Variants in DHX57 observed in about 807,000 individuals in gnomAD.
The protein encoded by DHX57 is DExH-box helicase 57, also known as putative ATP-dependent RNA helicase DHX57.
DHX57 carries 105 observed loss-of-function variants against 156.2 expected under a neutral mutation model. The ratio of observed to expected loss-of-function variants is 0.67; its 90% CI spans 0.57 to 0.79. DHX57 has a LOEUF of 0.79. Ranked by LOEUF, DHX57 falls within the 30% of genes least tolerant of loss-of-function variation. The pLI is 0.00. For missense variants in DHX57, 1,847 were observed against 1,661.9 expected (o/e 1.11, Z -1.94); for synonymous variants, 704 against 595.6 (o/e 1.18, Z -2.65).
chr2:38,810,595 A>G, intron 21 of DHX57: 1 of 606,656 alleles, frequency 1.6e-6, no homozygotes, highest in Non-Finnish European at 3.1e-6. Flanking sequence ...CTCCTGGCAG[A>G]GGATGTACAC....
Position 38,823,188 on chromosome 2 carries a change from A to T in DHX57, c.3096T>A (p.Ser1032=). ...GTAATCGTATTTTTGAGGCACGAAGAGAATCGGTGTGTGGAGGTTCAATGA... is the reference window on the plus strand; with the variant it reads ...GTAATCGTATTTTTGAGGCACGAAGTGAATCGGTGTGTGGAGGTTCAATGA... ...SRLIEPPHTD[S]LRASKIRLRD... The change falls in exon 17 of 24, where the codon TCT becomes TCA. Residue 1032 remains serine (S), a synonymous_variant. Transcript: ENST00000457308. The T allele has an allele frequency of 6.2e-7, 1 of 1,614,206 alleles. No individual in the cohort carries two copies.
chr2:38,835,113 T>A (rs1171652416), intron 13 of DHX57, among the ~76,000 whole-genome samples: 1 of 152,208 alleles, frequency 6.6e-6, no homozygotes, highest in Non-Finnish European at 1.5e-5. Flanking sequence ...AGGCAGCAGA[T>A]AATGAGTTCC....
intron 1 of DHX57, among the ~76,000 whole-genome samples, chr2:38,874,426 T>C: frequency 2.3e-5 from 1 of 43,806 alleles, no homozygotes; most frequent in Non-Finnish European, 5.5e-5. Context: ...TTTTTTTTTT[T>C]TGAGACAGAG....
chr2:38,803,807 A>G (rs1669811739), intron 22 of DHX57, among the ~76,000 whole-genome samples: 1 of 134,514 alleles, frequency 7.4e-6, no homozygotes, highest in African/African-American at 2.8e-5. Flanking sequence ...TTTGAGATGC[A>G]GTCTCGCTCT....
intron 22 of DHX57, among the ~76,000 whole-genome samples, chr2:38,803,703 G>C (rs1342397919): frequency 6.6e-6 from 1 of 151,610 alleles, no homozygotes; most frequent in Non-Finnish European, 1.5e-5. Context: ...TGGCCAGGCT[G>C]TTCTTGAACT....
intron 11 of DHX57, 128 bp downstream of exon 11, chr2:38,846,891 G>C (rs1672315578): frequency 1.8e-6 from 1 of 556,656 alleles, no homozygotes; most frequent in African/African-American, 2.0e-5. Flanking sequence ...GTCCCAATAT[G>C]TTGCCCAAGC....
chr2:38,861,999 C>T (rs539744338), intron 4 of DHX57, 146 bp downstream of exon 4: 51 of 1,204,302 alleles, frequency 4.2e-5, no homozygotes, highest in Admixed American at 3.1e-4. Flanking sequence ...CCTGAATGAC[C>T]CCTTCTGATA....
chr2:38,847,153 C>G, intron 10 of DHX57, 80 bp from the exon 11 acceptor site: 4 of 1,129,012 alleles, frequency 3.5e-6, no homozygotes, highest in Non-Finnish European at 5.1e-6. Context: ...ATATAAAATT[C>G]TCTTAAAGCT....
chr2:38,869,652 T>C (rs1296570692), intron 1 of DHX57, among the ~76,000 whole-genome samples: 2 of 152,200 alleles, frequency 1.3e-5, no homozygotes, highest in Non-Finnish European at 2.9e-5. Flanking sequence ...GGAAATAGAC[T>C]TCACTAAAAT....
chr2:38,826,716 T>G, intron 14 of DHX57, 27 bp from the exon 15 acceptor site: 2 of 1,611,066 alleles, frequency 1.2e-6, no homozygotes, highest in Non-Finnish European at 1.7e-6. Context: ...GCACATGAAG[T>G]ATTCTAGCAC....
chr2:38,826,384 C>T (rs1312005568), intron 15 of DHX57, 132 bp downstream of exon 15: 2 of 1,037,748 alleles, frequency 1.9e-6, no homozygotes, highest in East Asian at 2.5e-5. Flanking sequence ...TTCACACATC[C>T]ACGTACAGTT....
Position 38,862,249 on chromosome 2 carries a change from G to C in DHX57, c.468C>G (p.Ser156=), listed in dbSNP as rs766725681. The C allele has an allele frequency of 1.2e-6, 2 of 1,613,750 alleles. No individual in the cohort carries two copies. The highest frequency in any genetic ancestry group is 1.7e-6 in the Non-Finnish European group (2 of 1,179,834). Reference sequence around the variant, plus strand: ...CCAAAGGATCCAAGTCGGGAACGAGGGAAGGTTCCTGTCCAGCTGGCCAGT... The same window carrying C: ...CCAAAGGATCCAAGTCGGGAACGAGCGAAGGTTCCTGTCCAGCTGGCCAGT... ...ERYWPAGQEP[S]LVPDLDPLEY... The change falls in exon 4 of 24, where the codon TCC becomes TCG. Residue 156 remains serine (S), a synonymous_variant. Coordinates refer to ENST00000457308, the MANE Select transcript of DHX57 (RefSeq NM_198963.3).
intron 21 of DHX57, among the ~76,000 whole-genome samples, chr2:38,812,358 A>C (rs1670292118): frequency 6.6e-6 from 1 of 152,246 alleles, no homozygotes; most frequent in African/African-American, 2.4e-5. Context: ...CTGAGGATTT[A>C]ATAAAAAAAG....
chr2:38,843,961 A>C (rs1240832931), intron 11 of DHX57, among the ~76,000 whole-genome samples: 3 of 152,204 alleles, frequency 2.0e-5, no homozygotes. Flanking sequence ...CTATTCTTTC[A>C]GCCCAATCAT....
intron 12 of DHX57, among the ~76,000 whole-genome samples, chr2:38,838,466 AAGCAGGCTCCTGCCC>A (rs1237998773): frequency 6.6e-6 from 1 of 152,018 alleles, no homozygotes; most frequent in African/African-American, 2.4e-5. Flanking sequence ...ATGACCCAAA[AAGCAGGCTCCTGCCC>A]CTGTTGGAAA....
At position 38,802,627 on chromosome 2, in the gene DHX57, C is replaced by T. The variant is rs534397208; in HGVS notation, c.4017+88G>A. ...TTAATTAGCTCTGTTACCTTGGTCC[C>T]TAGAGGAATGCCCTTGACTTCATAA... On this transcript the variant is annotated intron_variant, in intron 23 of 23. Coordinates refer to ENST00000457308, the MANE Select transcript of DHX57 (RefSeq NM_198963.3). 26 of 1,514,266 alleles carry T rather than the reference C, an allele frequency of 1.7e-5. No homozygotes were observed. The East Asian group carries it at 5.2e-4, about 30-fold the overall frequency. 93.8% of individuals were successfully genotyped at this position (1,514,266 alleles called of 1,614,324 possible). A position where few individuals can be genotyped will look rare whatever the true frequency, so the allele number is the denominator to read the frequency against.
chr2:38,848,814 G>A (rs1472260317), intron 9 of DHX57, among the ~76,000 whole-genome samples: 1 of 152,174 alleles, frequency 6.6e-6, no homozygotes, highest in Non-Finnish European at 1.5e-5. Context: ...AACCATCGGA[G>A]AGCAAAGGTG....
At chr2:38,815,937 T>C in intron 19 of DHX57, 1 of 441,030 alleles carries the variant, frequency 2.3e-6, no homozygotes, top group Non-Finnish European at 4.3e-6. Flanking sequence ...TTAAACACTC[T>C]CATTGGATTT....
At chr2:38,869,906 T>G (rs1665274768) in intron 1 of DHX57, among the ~76,000 whole-genome samples, 2 of 152,208 alleles carry the variant, frequency 1.3e-5, no homozygotes, top group Non-Finnish European at 2.9e-5. Flanking sequence ...ATAGTCATTA[T>G]AAGTATGTTC....
Sources: gnomAD v4.1 joint callset for allele counts (sites outside exome capture counted in the v4.1 genomes callset) on GRCh38, gnomAD v4.1.1 for gene constraint, MANE v1.5 for transcripts, NCBI Gene and HGNC (gene_info 2026-07-23, HGNC 2026-07-21) for gene names.